METTL21C: variants seen among roughly 807,000 people sequenced by gnomAD.
The protein encoded by METTL21C is methyltransferase 21C, AARS1 lysine.
In METTL21C, 21 loss-of-function variants were observed where a neutral mutation model predicts 25.9. The ratio of observed to expected loss-of-function variants is 0.81; its 90% confidence interval spans 0.58 to 1.17. The LOEUF is 1.17. Ranked by LOEUF, METTL21C falls within the 50% of genes most tolerant of loss-of-function variation. The pLI, the probability that METTL21C is intolerant of heterozygous loss-of-function variation, is 0.00. For synonymous variants in METTL21C, 125 were observed against 124.7 expected (o/e 1.00, Z -0.01); for missense variants, 312 against 315.1 (o/e 0.99, Z 0.07).
At chr13:102,697,082 A>G (rs1885959478), upstream of METTL21C, among the ~76,000 whole-genome samples, 1 of 152,208 alleles carries the variant, frequency 6.6e-6, no homozygotes, top group Non-Finnish European at 1.5e-5. Context: ...GAACTTTCTA[A>G]CAAGTAGAAC....
At position 102,686,956 on chromosome 13, in the gene METTL21C, A is replaced by G. The variant is rs1396072520; in HGVS notation, c.384T>C (p.Ile128=). 6 of 1,613,928 alleles carry G rather than the reference A, an allele frequency of 3.7e-6. No individual in the cohort carries two copies. The South Asian group carries it at 5.5e-5, about 15-fold the overall frequency. ...EIGAGPGLVS[I]VASILGAQVT... Reference sequence around the variant, plus strand: ...CAAACAAACCTAAAATACTGGCCACAATGGAAACAAGGCCTGGTCCGGCAC... The same window carrying G: ...CAAACAAACCTAAAATACTGGCCACGATGGAAACAAGGCCTGGTCCGGCAC... Residue 128 remains isoleucine, a synonymous_variant, in exon 3 of 4, where the codon ATT becomes ATC. Transcript: ENST00000267273.
upstream of METTL21C, among the ~76,000 whole-genome samples, chr13:102,697,015 C>T (rs548747566): frequency 1.2e-4 from 18 of 152,180 alleles, no homozygotes; most frequent in East Asian, 1.9e-4. Context: ...TGCATGGCTT[C>T]GGAGGGCACG....
chr13:102,698,055 T>G (rs1885974041), upstream of METTL21C, among the ~76,000 whole-genome samples: 1 of 152,208 alleles, frequency 6.6e-6, no homozygotes, highest in African/African-American at 2.4e-5. Flanking sequence ...TACAGCTTCA[T>G]AAGATGCCGT....
At chr13:102,690,375 C>T (rs559987398) in intron 2 of METTL21C, among the ~76,000 whole-genome samples, 6 of 150,116 alleles carry the variant, frequency 4.0e-5, no homozygotes, top group African/African-American at 9.8e-5. Context: ...GAGCCAAGAT[C>T]GTGTCACTGC....
chr13:102,690,811 A>C lies in METTL21C; in HGVS notation c.282+2T>G, dbSNP rs754632067. 1.2e-6 allele frequency: 2 copies of C among 1,612,362 alleles called. No homozygotes were observed. The highest frequency in any genetic ancestry group is 1.7e-6 in the Non-Finnish European group (2 of 1,179,524). On this transcript the variant is annotated splice_donor_variant, in intron 2 of 3. Coordinates refer to ENST00000267273, the MANE Select transcript of METTL21C (RefSeq NM_001010977.3). LOFTEE classifies it high-confidence loss of function. ...ACATCACAAATATGACAGTTCTCTC[A>C]CCCCTGGCCACACCACCGCTCCGTA... is the stretch of plus-strand genomic sequence containing the variant.
In METTL21C at chr13:102,685,851, ATAATCT is replaced by A. The variant is rs1885651218; in HGVS notation, c.*174_*179del. 5.3e-6 allele frequency: 3 copies of A among 566,456 alleles called. No homozygotes were observed. The highest frequency in any genetic ancestry group is 8.7e-6 in the Non-Finnish European group (3 of 344,236). 35.1% of individuals were successfully genotyped at this position (566,456 alleles called of 1,614,324 possible). ...CTTTTTAGATATTTAGATTAACCAG[ATAATCT>A]TAAATTATCTTAGAAATTAGAAAGT... is the stretch of plus-strand genomic sequence containing the variant. On this transcript the variant is annotated 3_prime_UTR_variant, in exon 4 of 4. Transcript: ENST00000267273.
rs1164893567 is a variant in METTL21C at position 102,694,463 on chromosome 13, C to A, written c.36G>T (p.Gly12=). 1 of 1,457,674 alleles carries A rather than the reference C, an allele frequency of 6.9e-7. No homozygotes were observed. Among genetic ancestry groups the A allele is most frequent in the South Asian group, 1.2e-5 (1 of 86,112 alleles). 90.3% of individuals were successfully genotyped at this position (1,457,674 alleles called of 1,614,324 possible). The change falls in exon 1 of 4, where the codon GGG becomes GGT. Residue 12 remains glycine (G), a synonymous_variant. Transcript: ENST00000267273. The part of the protein sequence containing the change: ...DVCLSSAQQP[G]RRGEGLSSPG... Reference sequence around the variant, plus strand: ...GGGAGCTGAGTCCTTCCCCCCGGCGCCCAGGCTGCTGCGCGGAGCTCAGAC... The same window carrying A: ...GGGAGCTGAGTCCTTCCCCCCGGCGACCAGGCTGCTGCGCGGAGCTCAGAC...
At chr13:102,686,489 G>A (rs780337744) in intron 3 of METTL21C, 64 bp from the exon 4 acceptor site, 283 of 1,514,200 alleles carry the variant, frequency 1.9e-4, no homozygotes, top group Non-Finnish European at 2.5e-4. Context: ...ATATACCCAG[G>A]GAGAAACACA....
At chr13:102,703,732 T>C in the METTL21C span, among the ~76,000 whole-genome samples, 10 of 152,300 alleles carry the variant, frequency 6.6e-5, no homozygotes, top group Non-Finnish European at 1.5e-4. Context: ...CTGTTGGAAC[T>C]TTAAATTATT....
At chr13:102,697,710 C>T (rs1885968906), upstream of METTL21C, among the ~76,000 whole-genome samples, 1 of 150,818 alleles carries the variant, frequency 6.6e-6, no homozygotes, top group Non-Finnish European at 1.5e-5. Flanking sequence ...TCTGGTTTCT[C>T]GATGAAGCAG....
chr13:102,700,769 A>G, the METTL21C span, among the ~76,000 whole-genome samples: 1 of 152,280 alleles, frequency 6.6e-6, no homozygotes, highest in South Asian at 2.1e-4. Context: ...TCAGCTTTGA[A>G]GCTGAGGAGG....
chr13:102,695,268 G>T (rs612900), upstream of METTL21C, among the ~76,000 whole-genome samples: 3 of 151,990 alleles, frequency 2.0e-5, no homozygotes, highest in Admixed American at 1.3e-4. Flanking sequence ...GAGAAGGGAC[G>T]GGAGTCAAAG....
chr13:102,686,310 C>T lies in METTL21C; in HGVS notation c.516G>A (p.Trp172Ter). Residue 172 changes from tryptophan (W) to a stop codon, truncating the protein, a stop_gained, in exon 4 of 4, where the codon TGG becomes TGA. Coordinates refer to ENST00000267273, the MANE Select transcript of METTL21C (RefSeq NM_001010977.3). LOFTEE classifies it high-confidence loss of function. Reference sequence around the variant, plus strand: ...GAAAGTTTTTGTCCAGGTCTTCCCCCCATACCAGTTCTTTCACTTCAGGCA... The same window carrying T: ...GAAAGTTTTTGTCCAGGTCTTCCCCTCATACCAGTTCTTTCACTTCAGGCA... Reference protein sequence around the residue: ...AHLPEVKELVWGEDLDKNFPK... With the variant: ...AHLPEVKELV 1 of 1,614,208 alleles carries T rather than the reference C, an allele frequency of 6.2e-7. No individual in the cohort carries two copies. Among genetic ancestry groups the T allele is most frequent in the South Asian group, 1.1e-5 (1 of 91,082 alleles).
rs376499302 is a variant in METTL21C at position 102,692,103 on chromosome 13, A to G, written c.131-1139T>C. On this transcript the variant is annotated intron_variant, in intron 1 of 3. Transcript: ENST00000267273. ...GAAACCTGCCTTTGTGGCCTGGGAT[A>G]TGACTGTAAAATGTTTAACCGGGGG... Among the ~76,000 whole-genome samples, 10 of 152,318 alleles carry G rather than the reference A, an allele frequency of 6.6e-5. 1 individual carries two copies. Among genetic ancestry groups the G allele is most frequent in the Admixed American group, 6.5e-5 (1 of 15,304 alleles).
rs2139639170 is a variant in METTL21C at position 102,685,967 on chromosome 13, C to T, written c.*64G>A. ...CAATCCTGTGAAAGAAGTCTATTAC[C>T]AAAGCAATTTCTAACACATTGCTCA... On this transcript the variant is annotated 3_prime_UTR_variant, in exon 4 of 4. Transcript: ENST00000267273. 1 of 1,492,800 alleles carries T rather than the reference C, an allele frequency of 6.7e-7. No homozygotes were observed. The highest frequency in any genetic ancestry group is 2.3e-5 in the East Asian group (1 of 43,754). The allele number at this position is 1,492,800 out of a possible 1,614,324, so 92.5% of individuals were successfully genotyped here.
upstream of METTL21C, among the ~76,000 whole-genome samples, chr13:102,699,968 T>C (rs1218504974): frequency 1.3e-5 from 2 of 152,236 alleles, no homozygotes; most frequent in African/African-American, 4.8e-5. Context: ...GATTTGGCTC[T>C]GGTAACAATT....
chr13:102,691,348 CT>C (rs11342787), intron 1 of METTL21C, among the ~76,000 whole-genome samples: 25,583 of 144,824 alleles, frequency 0.18, 3,172 homozygotes, highest in African/African-American at 0.37. Context: ...ACAAACCTGC[CT>C]TTTTTTTTTT....
chr13:102,690,060 G>C (rs1420525181), intron 2 of METTL21C, among the ~76,000 whole-genome samples: 1 of 152,140 alleles, frequency 6.6e-6, no homozygotes, highest in African/African-American at 2.4e-5. Flanking sequence ...GCTGTGGCAG[G>C]GGTGACATGC....
rs761211998 is a variant in METTL21C at position 102,694,892 on chromosome 13, T to TCACACACACA, written c.-395_-394insTGTGTGTGTG. On this transcript the variant is annotated 5_prime_UTR_variant, in exon 1 of 4. Transcript: ENST00000267273. Reference sequence around the variant, plus strand: ...CTCTCTTTCTCTCTCTCTCTCTCTCTCTCTCTCTCACACACACACACACAC... The same window carrying TCACACACACA: ...CTCTCTTTCTCTCTCTCTCTCTCTCTCACACACACACTCTCTCTCACACACACACACACAC... 6.3e-5 allele frequency among the ~76,000 whole-genome samples: 9 copies of TCACACACACA among 142,378 alleles called. No homozygotes were observed. Among genetic ancestry groups the TCACACACACA allele is most frequent in the Admixed American group, 2.9e-4 (4 of 13,738 alleles). The allele number at this position is 142,378 out of a possible 152,430, so 93.4% of individuals were successfully genotyped here.
Sources: gnomAD v4.1 joint callset for allele counts (sites outside exome capture counted in the v4.1 genomes callset) on GRCh38, gnomAD v4.1.1 for gene constraint, MANE v1.5 for transcripts, NCBI Gene and HGNC (gene_info 2026-07-23, HGNC 2026-07-21) for gene names.